The following MAGI1 variants were observed in gnomAD, a reference collection of about 807,000 sequenced individuals.
MAGI1 encodes the protein membrane associated guanylate kinase, WW and PDZ domain containing 1.
Under a neutral mutation model 139.9 loss-of-function variants are expected in MAGI1, and 58 were observed. The observed-to-expected ratio is 0.41, with a 90% CI of 0.34 to 0.52. The LOEUF is 0.52. Ranked by LOEUF, MAGI1 falls within the 20% of genes least tolerant of loss-of-function variation. The pLI, the probability that MAGI1 is intolerant of heterozygous loss-of-function variation, is 0.12. For synonymous variants in MAGI1, 812 were observed against 737.9 expected (o/e 1.10, Z -1.63); for missense variants, 1,874 against 1,901.6 (o/e 0.99, Z 0.27).
intron 2 of MAGI1, among the ~76,000 whole-genome samples, chr3:65,530,624 GGTGT>G (rs57337916): frequency 0.017 from 2,158 of 129,232 alleles, 72 homozygotes; most frequent in African/African-American, 0.043. Context: ...ATGTGTGTGT[GGTGT>G]GTGTGTGTGT....
At chr3:65,393,659 C>G (rs1346983743) in intron 13 of MAGI1, among the ~76,000 whole-genome samples, 1 of 152,116 alleles carries the variant, frequency 6.6e-6, no homozygotes, top group Non-Finnish European at 1.5e-5. Flanking sequence ...GGCATGCCTC[C>G]CTTCAAAGGA....
At chr3:65,413,253 C>G (rs571908644) in intron 12 of MAGI1, among the ~76,000 whole-genome samples, 53 of 152,284 alleles carry the variant, frequency 3.5e-4, no homozygotes, top group African/African-American at 1.2e-3. Flanking sequence ...TTTCAATTAG[C>G]TTTATTCCCA....
At chr3:65,611,231 G>A (rs936223685) in intron 2 of MAGI1, among the ~76,000 whole-genome samples, 7 of 139,128 alleles carry the variant, frequency 5.0e-5, no homozygotes, top group Non-Finnish European at 1.5e-5. Flanking sequence ...ATATACTATA[G>A]TATATACTAT....
intron 1 of MAGI1, among the ~76,000 whole-genome samples, chr3:65,694,476 C>T (rs1405496760): frequency 6.6e-6 from 1 of 152,292 alleles, no homozygotes; most frequent in East Asian, 1.9e-4. Flanking sequence ...CACCACCACC[C>T]GGGGTTCAAC....
chr3:65,708,650 G>A (rs1485005207), intron 1 of MAGI1, among the ~76,000 whole-genome samples: 2 of 151,854 alleles, frequency 1.3e-5, no homozygotes, highest in Non-Finnish European at 2.9e-5. Flanking sequence ...AAGGAAGGGA[G>A]GGAAGAAGAG....
chr3:65,888,932 CAT>C (rs1387561542), intron 1 of MAGI1, among the ~76,000 whole-genome samples: 1 of 151,942 alleles, frequency 6.6e-6, no homozygotes, highest in Non-Finnish European at 1.5e-5. Flanking sequence ...ATACAGATGC[CAT>C]ATATGTGTGT....
chr3:65,595,790 T>C (rs906669523), intron 2 of MAGI1, among the ~76,000 whole-genome samples: 8 of 109,722 alleles, frequency 7.3e-5, no homozygotes, highest in African/African-American at 2.5e-4. Flanking sequence ...ATGGGTAAGC[T>C]TCCGTTTTTA....
intron 1 of MAGI1, among the ~76,000 whole-genome samples, chr3:65,825,194 C>T (rs1344266812): frequency 1.3e-5 from 2 of 152,296 alleles, no homozygotes; most frequent in East Asian, 1.9e-4. Context: ...AAGAAGAGAG[C>T]TTATAGCTTA....
chr3:65,550,692 C>G (rs1022393271), intron 2 of MAGI1, among the ~76,000 whole-genome samples: 3 of 152,120 alleles, frequency 2.0e-5, no homozygotes, highest in African/African-American at 7.2e-5. Flanking sequence ...AGGCTAAGCA[C>G]CATAGCTCAT....
intron 1 of MAGI1, among the ~76,000 whole-genome samples, chr3:65,814,093 A>G (rs376168203): frequency 3.3e-5 from 5 of 152,132 alleles, no homozygotes; most frequent in Admixed American, 2.0e-4. Context: ...TACACAAACT[A>G]AAAAGAACAA....
intron 3 of MAGI1, among the ~76,000 whole-genome samples, chr3:65,479,421 G>A (rs1951109614): frequency 6.6e-6 from 1 of 151,806 alleles, no homozygotes; most frequent in African/African-American, 2.4e-5. Context: ...TCTTCCAGTA[G>A]TGGCCCATCT....
chr3:65,988,147 A>G (rs927712519), intron 1 of MAGI1, among the ~76,000 whole-genome samples: 1 of 152,224 alleles, frequency 6.6e-6, no homozygotes, highest in Non-Finnish European at 1.5e-5. Flanking sequence ...AAGTATGAAA[A>G]CAAAGTCAGT....
intron 2 of MAGI1, among the ~76,000 whole-genome samples, chr3:65,612,171 C>G (rs567369109): frequency 2.0e-5 from 3 of 152,046 alleles, no homozygotes; most frequent in Non-Finnish European, 2.9e-5. Flanking sequence ...TTCTCCCAAA[C>G]TATAATTGTT....
intron 1 of MAGI1, among the ~76,000 whole-genome samples, chr3:65,797,416 A>T (rs1327912638): frequency 6.6e-6 from 1 of 152,194 alleles, no homozygotes; most frequent in Admixed American, 6.5e-5. Context: ...ATAGATTTAA[A>T]ATGAGAAGAA....
rs565980186 is a variant in MAGI1, at chr3:65,849,181, G to A, written c.313+188815C>T. Among the ~76,000 whole-genome samples, 22 of 151,330 alleles carry A rather than the reference G, an allele frequency of 1.5e-4. No homozygotes were observed. In the South Asian group the frequency reaches 4.4e-3, roughly 30 times the overall value. ...TGGGATTACAGGCATGTGCCACCAC[G>A]CCTGACTAAGTTTTTGTATTTTTAG... On this transcript the variant is annotated intron_variant, in intron 1 of 22. Transcript: ENST00000402939.
At chr3:65,941,791 G>T (rs114090842) in intron 1 of MAGI1, among the ~76,000 whole-genome samples, 1 of 152,142 alleles carries the variant, frequency 6.6e-6, no homozygotes, top group East Asian at 1.9e-4. Flanking sequence ...TTCTGTTGTT[G>T]TTGTTGCTGC....
At chr3:66,023,112 G>A (rs2068048039) in intron 1 of MAGI1, among the ~76,000 whole-genome samples, 1 of 152,160 alleles carries the variant, frequency 6.6e-6, no homozygotes, top group Admixed American at 6.5e-5. Flanking sequence ...GGGGCATACA[G>A]TAGTCTAAAC....
intron 1 of MAGI1, among the ~76,000 whole-genome samples, chr3:65,883,408 T>G (rs2060412273): frequency 6.6e-6 from 1 of 152,042 alleles, no homozygotes; most frequent in South Asian, 2.1e-4. Flanking sequence ...TAAACAAGAA[T>G]ATATATTTTA....
intron 1 of MAGI1, among the ~76,000 whole-genome samples, chr3:65,806,588 G>A (rs571901972): frequency 2.0e-5 from 3 of 152,240 alleles, no homozygotes; most frequent in Admixed American, 1.3e-4. Context: ...TTGGAATCTC[G>A]GAAACTTCTC....
Sources: gnomAD v4.1 joint callset for allele counts (sites outside exome capture counted in the v4.1 genomes callset) on GRCh38, gnomAD v4.1.1 for gene constraint, MANE v1.5 for transcripts, NCBI Gene and HGNC (gene_info 2026-07-23, HGNC 2026-07-21) for gene names.